Variants in RBSN observed in about 807,000 individuals in gnomAD.
RBSN encodes rabenosyn-5.
RBSN carries 34 observed loss-of-function variants against 60.5 expected under a neutral mutation model. The observed-to-expected ratio is 0.56, with a 90% CI of 0.43 to 0.75. The LOEUF (loss-of-function observed/expected upper bound fraction) is 0.75, where lower values mean the gene tolerates loss of function less well. Among genes scored for constraint, RBSN ranks in the 30% least tolerant of loss-of-function variants. RBSN has a pLI of 0.00. For missense variants in RBSN, 845 were observed against 986.8 expected (o/e 0.86, Z 1.92); for synonymous variants, 322 against 366.9 (o/e 0.88, Z 1.40).
At chr3:15,094,669 T>A (rs1258784090) in intron 4 of RBSN, among the ~76,000 whole-genome samples, 2 of 152,234 alleles carry the variant, frequency 1.3e-5, no homozygotes, top group African/African-American at 2.4e-5. Flanking sequence ...AGCCACCTCA[T>A]CCACCAAAGC....
At position 15,072,499 on chromosome 3, in the gene RBSN, T is replaced by G. The variant is rs1332332470; in HGVS notation, c.*1283A>C. The G allele has an allele frequency of 3.9e-5, 6 of 152,232 alleles. 1 individual carries two copies. 9.4% of individuals were successfully genotyped at this position (152,232 alleles called of 1,614,324 possible). A position where few individuals can be genotyped will look rare whatever the true frequency, so the allele number is the denominator to read the frequency against. On this transcript the variant is annotated 3_prime_UTR_variant, in exon 14 of 14. Transcript: ENST00000253699. ...AAATTATTTTAATTTAGCTTCTGAC[T>G]CTGGGAAGCTTCCCTTCTTCTGGTG...
chr3:15,096,869 C>A (rs1007922192), intron 2 of RBSN, among the ~76,000 whole-genome samples, 159 bp from the exon 3 acceptor site: 1 of 151,998 alleles, frequency 6.6e-6, no homozygotes, highest in Non-Finnish European at 1.5e-5. Context: ...CTCTAATGGG[C>A]GTACTATATT....
At position 15,082,218 on chromosome 3, in the gene RBSN, G is replaced by A. The variant is rs2043220588; in HGVS notation, c.840+149C>T. ...TCTGACTCACACAGGGCCCTAGCTG[G>A]GAAATCATAACATGGGCCTTTAACA... On this transcript the variant is annotated intron_variant, in intron 9 of 13. Coordinates refer to ENST00000253699, the MANE Select transcript of RBSN (RefSeq NM_022340.4). This position sits in a 1 kb window ranked among gnomAD's most constrained non-coding sequence, Gnocchi z 4.2. The A allele has an allele frequency of 9.1e-7, 1 of 1,101,338 alleles. No homozygotes were observed. The highest frequency in any genetic ancestry group is 1.6e-5 in the African/African-American group (1 of 64,396). 68.2% of individuals were successfully genotyped at this position (1,101,338 alleles called of 1,614,324 possible).
In RBSN at chr3:15,074,895, C is replaced by T; in HGVS notation, c.1242G>A (p.Arg414=). ...ALESQRRLEE[R]QSGLASRAAN... ...CCGCTCGAGAAGCCAGGCCACTCTG[C>T]CTTTCCTCAAGCCTTCGCTGGGACT... Residue 414 remains arginine, a synonymous_variant, in exon 14 of 14, where the codon AGG becomes AGA. Coordinates refer to ENST00000253699, the MANE Select transcript of RBSN (RefSeq NM_022340.4). This position sits in a 1 kb window ranked among gnomAD's most constrained non-coding sequence, Gnocchi z 6.4. The T allele has an allele frequency of 6.2e-7, 1 of 1,613,208 alleles. No individual in the cohort carries two copies. Among genetic ancestry groups the T allele is most frequent in the Non-Finnish European group, 8.5e-7 (1 of 1,179,702 alleles).
At chr3:15,087,782 G>C (rs368208405) in intron 5 of RBSN, among the ~76,000 whole-genome samples, 137 of 151,418 alleles carry the variant, frequency 9.0e-4, no homozygotes, top group African/African-American at 3.0e-3. Flanking sequence ...CACCATGCCA[G>C]GCTAATTTTT....
In RBSN at chr3:15,075,778, G is replaced by A. The variant is rs958803738; in HGVS notation, c.1102-68C>T. 5 of 1,294,180 alleles carry A rather than the reference G, an allele frequency of 3.9e-6. No individual in the cohort carries two copies. In the African/African-American group the frequency reaches 7.3e-5, roughly 19 times the overall value. The allele number at this position is 1,294,180 out of a possible 1,614,324, so 80.2% of individuals were successfully genotyped here. ...AGAAAAAATGAACCTTAAGCCCCAT[G>A]ATGAGAGTCTGCTTAAGCTGAGCCA... On this transcript the variant is annotated intron_variant, in intron 12 of 13. Coordinates refer to ENST00000253699, the MANE Select transcript of RBSN (RefSeq NM_022340.4).
Position 15,082,383 on chromosome 3 carries a change from A to G in RBSN, c.824T>C (p.Ile275Thr), listed in dbSNP as rs1174113124. ...GCGAATCACCTCGTAGAGCTTCACG[A>G]TGTCAGGTGTGTGCTCCTTCTCATC... ...QIDEKEHTPD[I>T]VKLYEKLRLC... Residue 275 changes from isoleucine (I) to threonine (T), a missense_variant, in exon 9 of 14, where the codon ATC (isoleucine) becomes ACC (threonine). Transcript: ENST00000253699. The surrounding 1 kb of genome is among the most constrained non-coding windows in gnomAD (Gnocchi z 4.2). 1.2e-6 allele frequency: 2 copies of G among 1,612,964 alleles called. No homozygotes were observed. The highest frequency in any genetic ancestry group is 1.7e-6 in the Non-Finnish European group (2 of 1,178,958).
Position 15,074,516 on chromosome 3 carries a change from A to G in RBSN, c.1621T>C (p.Ser541Pro). The G allele has an allele frequency of 6.2e-7, 1 of 1,614,116 alleles. No individual in the cohort carries two copies. The highest frequency in any genetic ancestry group is 1.1e-5 in the South Asian group (1 of 91,084). ...AGGGACCGAGTCCGTGTGTGCAGGG[A>G]TGCCACCCGAAACTGCTCCCTTTCT... ...EREREQFRVA[S>P]LHTRTRSLDF... Residue 541 changes from serine (S) to proline (P), a missense_variant, in exon 14 of 14, where the codon TCC becomes CCC. Transcript: ENST00000253699. This position sits in a 1 kb window ranked among gnomAD's most constrained non-coding sequence, Gnocchi z 6.4.
chr3:15,073,952 C>T lies in RBSN; in HGVS notation c.2185G>A (p.Glu729Lys). 8 of 1,614,106 alleles carry T rather than the reference C, an allele frequency of 5.0e-6. No individual in the cohort carries two copies. The highest frequency in any genetic ancestry group is 6.8e-6 in the Non-Finnish European group (8 of 1,180,006). The change falls in exon 14 of 14, where the codon GAG becomes AAG. Residue 729 changes from glutamate to lysine, a missense_variant. Transcript: ENST00000253699. ...PFEMDSDSGP[E>K]AEEPIEEELL... is the part of the protein sequence containing the mutation. ...TCTTCCTCTATGGGCTCCTCAGCCT[C>T]TGGCCCACTGTCACTGTCCATCTCA...
chr3:15,074,830 G>A lies in RBSN; in HGVS notation c.1307C>T (p.Pro436Leu). 6.2e-7 allele frequency: 1 copy of A among 1,614,206 alleles called. No homozygotes were observed. Among genetic ancestry groups the A allele is most frequent in the South Asian group, 1.1e-5 (1 of 91,088 alleles). The change falls in exon 14 of 14, where the codon CCC becomes CTC. Residue 436 changes from proline (P) to leucine (L), a missense_variant. Physicochemically the swap from Pro to Leu is moderately conservative, Grantham distance 98. Coordinates refer to ENST00000253699, the MANE Select transcript of RBSN (RefSeq NM_022340.4). The surrounding 1 kb of genome is among the most constrained non-coding windows in gnomAD (Gnocchi z 6.4). ...GAGCCAGCCCTCAGCCTTTCTCAAG[G>A]GGGCAGGGCCCCTGCGGAGAGATGC... is the stretch of plus-strand genomic sequence containing the variant. Reference protein sequence around the residue: ...EVASLRRGPAPLRKAEGWLPL... With the variant: ...EVASLRRGPALLRKAEGWLPL...
rs2042902788 is a variant in RBSN at position 15,070,359 on chromosome 3, A to G, written c.*3423T>C. On this transcript the variant is annotated 3_prime_UTR_variant, in exon 14 of 14. Transcript: ENST00000253699. ...TACAATGAGTAAGTATCCTTAGTGT[A>G]TTAGACAGGGTAAATACAAACAAGG... 1 of 152,634 alleles carries G rather than the reference A, an allele frequency of 6.6e-6. No individual in the cohort carries two copies. Among genetic ancestry groups the G allele is most frequent in the Non-Finnish European group, 1.5e-5 (1 of 68,040 alleles). The allele number at this position is 152,634 out of a possible 1,614,324, so 9.5% of individuals were successfully genotyped here.
intron 8 of RBSN, among the ~76,000 whole-genome samples, chr3:15,083,522 A>AC (rs759590619): frequency 6.6e-6 from 1 of 151,906 alleles, no homozygotes; most frequent in Non-Finnish European, 1.5e-5. Flanking sequence ...TCCTCCACAC[A>AC]CCCCCAACTA....
intron 4 of RBSN, among the ~76,000 whole-genome samples, chr3:15,092,712 TA>T (rs2043549177): frequency 6.6e-6 from 1 of 152,170 alleles, no homozygotes; most frequent in Non-Finnish European, 1.5e-5. Context: ...GTCCCTGGCC[TA>T]AAGCAGTCTT....
At chr3:15,088,716 T>C (rs2043414275) in intron 5 of RBSN, among the ~76,000 whole-genome samples, 1 of 152,166 alleles carries the variant, frequency 6.6e-6, no homozygotes. Context: ...TCTCCTGCAA[T>C]AACAAAAATG....
At chr3:15,076,455 A>AC (rs1255896952) in intron 12 of RBSN, among the ~76,000 whole-genome samples, 2 of 152,192 alleles carry the variant, frequency 1.3e-5, no homozygotes, top group African/African-American at 4.8e-5. Context: ...AAGAAAAAAA[A>AC]AACACTTTGT....
intron 13 of RBSN, chr3:15,075,259 CATAT>C: frequency 1.7e-6 from 1 of 592,360 alleles, no homozygotes; most frequent in South Asian, 1.7e-5. Flanking sequence ...GTTAAATACA[CATAT>C]AATTTTCTGT....
In RBSN at chr3:15,077,986, G is replaced by A. The variant is rs2043095850; in HGVS notation, c.998+89C>T. On this transcript the variant is annotated intron_variant, in intron 11 of 13. Coordinates refer to ENST00000253699, the MANE Select transcript of RBSN (RefSeq NM_022340.4). This position sits in a 1 kb window ranked among gnomAD's most constrained non-coding sequence, Gnocchi z 4.4. ...CCCACTGCCCCATCACCAGAAGTCTGAGTGAGTGCAGGTCTGCTTTCGCCA... is the reference window on the plus strand; with the variant it reads ...CCCACTGCCCCATCACCAGAAGTCTAAGTGAGTGCAGGTCTGCTTTCGCCA... The A allele has an allele frequency of 3.5e-6, 4 of 1,143,072 alleles. No homozygotes were observed. The highest frequency in any genetic ancestry group is 1.3e-5 in the South Asian group (1 of 76,850). The allele number at this position is 1,143,072 out of a possible 1,614,324, so 70.8% of individuals were successfully genotyped here.
chr3:15,085,510 GACC>G (rs1018981388), intron 6 of RBSN, among the ~76,000 whole-genome samples: 4 of 152,314 alleles, frequency 2.6e-5, no homozygotes, highest in African/African-American at 9.6e-5. Context: ...GAGACCTGGT[GACC>G]ACTTCTTTGT....
intron 4 of RBSN, chr3:15,095,580 G>T: frequency 3.1e-6 from 1 of 326,012 alleles, no homozygotes. Flanking sequence ...AGGTAAAATG[G>T]GTGCATAATG....
Sources: allele counts gnomAD v4.1 joint callset (sites outside exome capture counted in the v4.1 genomes callset), GRCh38; gene constraint gnomAD v4.1.1; non-coding constraint Gnocchi (gnomAD v3.1); transcripts MANE v1.5; gene names NCBI Gene and HGNC (gene_info 2026-07-23, HGNC 2026-07-21).